CATSPERE: variants seen among roughly 807,000 people sequenced by gnomAD.
CATSPERE encodes the protein catsper channel auxiliary subunit epsilon.
A neutral mutation model predicts 114.1 loss-of-function variants in CATSPERE; 93 were observed. The observed-to-expected ratio is 0.81, with a 90% CI of 0.69 to 0.97. CATSPERE has a LOEUF of 0.97. CATSPERE is among the 50% of genes least tolerant of loss of function. The pLI, the probability that CATSPERE is intolerant of heterozygous loss-of-function variation, is 0.00. For missense variants in CATSPERE, 1,058 were observed against 1,131.6 expected, an observed-to-expected ratio of 0.93 and a Z score of 0.93; for synonymous variants, 341 against 384.1, an observed-to-expected ratio of 0.89 and a Z score of 1.31.
At chr1:244,576,389 G>T (rs889899236) in intron 11 of CATSPERE, among the ~76,000 whole-genome samples, 3 of 151,476 alleles carry the variant, frequency 2.0e-5, no homozygotes, top group East Asian at 3.9e-4. Context: ...TCTCGGTACT[G>T]CAAGGAAAAA....
intron 9 of CATSPERE, among the ~76,000 whole-genome samples, chr1:244,558,198 G>A (rs6699980): frequency 0.13 from 17,490 of 136,734 alleles, 1,762 homozygotes; most frequent in African/African-American, 0.29. Context: ...TGGAAGTGCA[G>A]TGGCGCAATC....
chr1:244,535,532 G>A (rs536131393), intron 8 of CATSPERE, among the ~76,000 whole-genome samples: 45 of 152,162 alleles, frequency 3.0e-4, no homozygotes, highest in Non-Finnish European at 1.0e-4. Flanking sequence ...TTTCCCTGTG[G>A]CCACCACCAC....
At position 244,639,996 on chromosome 1, in the gene CATSPERE, T is replaced by C. The variant is rs1350599207; in HGVS notation, c.2771T>C (p.Leu924Ser). The change falls in exon 22 of 22, where the codon TTG becomes TCG. Residue 924 changes from leucine (L) to serine (S), a missense_variant. By Grantham distance (145) the Leu-to-Ser change is moderately radical (BLOSUM62 -2). Around this residue, in one of 2 missense-constraint regions of CATSPERE, gnomAD observed 787 missense variants for 905.6 expected, o/e 0.87. Transcript: ENST00000366534. Reference protein sequence around the residue: ...LMLLFFTILVLSYFRYMRIYR... With the variant: ...LMLLFFTILVSSYFRYMRIYR... ...CTGCTCTTCTTCACTATTCTTGTTT[T>C]GAGCTACTTTCGGTACATGAGGATT... 6.4e-7 allele frequency: 1 copy of C among 1,551,246 alleles called. No individual in the cohort carries two copies. Among genetic ancestry groups the C allele is most frequent in the East Asian group, 2.4e-5 (1 of 40,908 alleles).
At chr1:244,622,435 A>G (rs1672516616) in intron 20 of CATSPERE, among the ~76,000 whole-genome samples, 1 of 114,680 alleles carries the variant, frequency 8.7e-6, no homozygotes, top group African/African-American at 3.5e-5. Flanking sequence ...ACAGGTTCTC[A>G]TTCTGTCACC....
At chr1:244,584,927 G>T (rs1018595513) in intron 13 of CATSPERE, among the ~76,000 whole-genome samples, 1 of 152,142 alleles carries the variant, frequency 6.6e-6, no homozygotes, top group Admixed American at 6.5e-5. Flanking sequence ...CTTAATCCAC[G>T]TAGGAAATAA....
At chr1:244,538,792 C>A (rs1252211205) in intron 8 of CATSPERE, among the ~76,000 whole-genome samples, 1 of 152,138 alleles carries the variant, frequency 6.6e-6, no homozygotes, top group East Asian at 1.9e-4. Context: ...TGTCTCACCC[C>A]ACAGGACACA....
At chr1:244,570,012 A>T (rs1311488271) in intron 10 of CATSPERE, among the ~76,000 whole-genome samples, 1 of 152,198 alleles carries the variant, frequency 6.6e-6, no homozygotes, top group Non-Finnish European at 1.5e-5. Context: ...CCTCCTAAGT[A>T]CCTAGAACAG....
chr1:244,572,739 T>C lies in CATSPERE; in HGVS notation c.1917T>C (p.Phe639=), dbSNP rs757261543. The C allele has an allele frequency of 1.2e-5, 19 of 1,608,862 alleles. No individual in the cohort carries two copies. ...TACAAGAGAGTCATGAGATTTCCTT[T>C]GAAGCTGCCTTTGGATACTGCACCA... ...KILQESHEIS[F]EAAFGYCTKT... Residue 639 remains phenylalanine (F), a synonymous_variant, in exon 11 of 22, where the codon TTT becomes TTC. Coordinates refer to ENST00000366534, the MANE Select transcript of CATSPERE (RefSeq NM_001130957.2).
At chr1:244,569,600 G>T (rs916219640) in intron 10 of CATSPERE, among the ~76,000 whole-genome samples, 8 of 151,992 alleles carry the variant, frequency 5.3e-5, no homozygotes, top group Non-Finnish European at 8.8e-5. Flanking sequence ...CTTCTGATAT[G>T]CCATAATATG....
chr1:244,491,234 T>C (rs568630599), intron 6 of CATSPERE, among the ~76,000 whole-genome samples: 84 of 152,244 alleles, frequency 5.5e-4, no homozygotes, highest in African/African-American at 1.9e-3. Flanking sequence ...ACAGAAATTA[T>C]AACAAACTGT....
At chr1:244,500,704 A>G (rs1673903017) in intron 7 of CATSPERE, among the ~76,000 whole-genome samples, 1 of 152,082 alleles carries the variant, frequency 6.6e-6, no homozygotes, top group African/African-American at 2.4e-5. Flanking sequence ...ATTGGTCTAT[A>G]TATCTGTTTT....
In CATSPERE at chr1:244,516,629, C is replaced by A. The variant is rs550496516; in HGVS notation, c.430-1963C>A. 2.0e-5 allele frequency among the ~76,000 whole-genome samples: 3 copies of A among 150,736 alleles called. No homozygotes were observed. In the East Asian group the frequency reaches 5.8e-4, roughly 29 times the overall value. ...CTCCACCTCCTGAGTTCAAGTGATT[C>A]TCCTGCCTCAGCCTCCTGAGTAGCT... On this transcript the variant is annotated intron_variant, in intron 7 of 21. Coordinates refer to ENST00000366534, the MANE Select transcript of CATSPERE (RefSeq NM_001130957.2).
At chr1:244,519,606 G>A (rs2148365197) in intron 8 of CATSPERE, among the ~76,000 whole-genome samples, 2 of 152,260 alleles carry the variant, frequency 1.3e-5, no homozygotes, top group Middle Eastern at 6.8e-3. Context: ...GTGTGGGTGT[G>A]AATGTCAGTG....
chr1:244,533,564 A>G (rs1416307739), intron 8 of CATSPERE, among the ~76,000 whole-genome samples: 1 of 152,052 alleles, frequency 6.6e-6, no homozygotes, highest in Non-Finnish European at 1.5e-5. Flanking sequence ...AAGCTTGCAA[A>G]TAATTATAGC....
intron 21 of CATSPERE, among the ~76,000 whole-genome samples, chr1:244,638,332 C>T (rs1324327437): frequency 1.3e-5 from 2 of 152,196 alleles, no homozygotes; most frequent in African/African-American, 4.8e-5. Context: ...CTTTCTTCAG[C>T]GTTGACTCTA....
At chr1:244,603,741 C>T (rs935885035) in intron 17 of CATSPERE, among the ~76,000 whole-genome samples, 10 of 151,550 alleles carry the variant, frequency 6.6e-5, no homozygotes, top group Non-Finnish European at 8.8e-5. Flanking sequence ...CATGGTGGCT[C>T]ACACCTGTAA....
chr1:244,510,835 C>CT (rs747921082), intron 7 of CATSPERE, among the ~76,000 whole-genome samples: 821 of 48,352 alleles, frequency 0.017, 19 homozygotes, highest in Non-Finnish European at 0.023. Context: ...TTTTCTTTTT[C>CT]TTTTTTTTTT....
upstream of CATSPERE, among the ~76,000 whole-genome samples, chr1:244,456,624 A>G (rs538857819): frequency 1.3e-5 from 2 of 152,326 alleles, no homozygotes; most frequent in East Asian, 3.9e-4. Flanking sequence ...TTAAGATCAG[A>G]TATCAGATTT....
At chr1:244,570,988 CAG>C (rs896326999) in intron 10 of CATSPERE, among the ~76,000 whole-genome samples, 1 of 152,186 alleles carries the variant, frequency 6.6e-6, no homozygotes, top group African/African-American at 2.4e-5. Context: ...GGCTAAAGAA[CAG>C]ACAGGCCATA....
Sources: gnomAD v4.1 joint callset for allele counts (sites outside exome capture counted in the v4.1 genomes callset) on GRCh38, gnomAD v4.1.1 for gene constraint, gnomAD v4.1.1 regional missense constraint, MANE v1.5 for transcripts, NCBI Gene and HGNC (gene_info 2026-07-23, HGNC 2026-07-21) for gene names.